Variants in ARHGAP15 observed in about 807,000 individuals in gnomAD.
ARHGAP15 encodes Rho GTPase activating protein 15.
ARHGAP15 carries 51 observed loss-of-function variants against 63.7 expected under a neutral mutation model. The ratio of observed to expected loss-of-function variants is 0.80; its 90% CI spans 0.64 to 1.01. The LOEUF is 1.01. Ranked by LOEUF, ARHGAP15 falls within the 50% of genes least tolerant of loss-of-function variation. ARHGAP15 has a pLI of 0.00. For synonymous variants in ARHGAP15, 191 were observed against 193.8 expected, an observed-to-expected ratio of 0.99 and a Z score of 0.12; for missense variants, 560 against 564.6, an observed-to-expected ratio of 0.99 and a Z score of 0.08.
At chr2:143,573,688 A>G (rs1696553250) in intron 11 of ARHGAP15, among the ~76,000 whole-genome samples, 2 of 152,194 alleles carry the variant, frequency 1.3e-5, no homozygotes, top group African/African-American at 2.4e-5. Flanking sequence ...CTGTTTTACA[A>G]GTATTATTTT....
At chr2:143,352,173 C>T (rs1685602404) in intron 6 of ARHGAP15, among the ~76,000 whole-genome samples, 2 of 152,006 alleles carry the variant, frequency 1.3e-5, no homozygotes. Context: ...CAAAGAATAC[C>T]CTAACATATT....
intron 11 of ARHGAP15, among the ~76,000 whole-genome samples, chr2:143,573,694 A>G (rs1696553634): frequency 6.6e-6 from 1 of 152,162 alleles, no homozygotes; most frequent in Non-Finnish European, 1.5e-5. Flanking sequence ...TACAAGTATT[A>G]TTTTCCATAT....
At chr2:143,624,072 T>C (rs1383332760) in intron 11 of ARHGAP15, 61 bp from the exon 12 acceptor site, 10 of 1,582,464 alleles carry the variant, frequency 6.3e-6, no homozygotes, top group Admixed American at 1.7e-5. Context: ...AACATAATAA[T>C]TAGTGTCTTG....
intron 6 of ARHGAP15, among the ~76,000 whole-genome samples, chr2:143,375,696 A>T (rs1267599612): frequency 6.6e-6 from 1 of 152,208 alleles, no homozygotes; most frequent in Non-Finnish European, 1.5e-5. Flanking sequence ...TGGATATTGC[A>T]TAACTTGAAG....
At chr2:143,141,897 A>C (rs1689385554) in intron 1 of ARHGAP15, among the ~76,000 whole-genome samples, 1 of 152,128 alleles carries the variant, frequency 6.6e-6, no homozygotes, top group Non-Finnish European at 1.5e-5. Flanking sequence ...GAATGCCTGC[A>C]GGCCAGTTGG....
At chr2:143,163,496 T>C (rs1415811795) in intron 2 of ARHGAP15, among the ~76,000 whole-genome samples, 1 of 151,828 alleles carries the variant, frequency 6.6e-6, no homozygotes, top group Non-Finnish European at 1.5e-5. Flanking sequence ...ATTTTTATGT[T>C]CCAGGAGAAA....
intron 6 of ARHGAP15, among the ~76,000 whole-genome samples, chr2:143,264,898 A>T (rs1680913777): frequency 6.6e-6 from 1 of 152,166 alleles, no homozygotes; most frequent in African/African-American, 2.4e-5. Context: ...AGCTCCATAG[A>T]GGCTTGTAGA....
At chr2:143,275,783 T>C (rs1348434963) in intron 6 of ARHGAP15, among the ~76,000 whole-genome samples, 5 of 152,192 alleles carry the variant, frequency 3.3e-5, no homozygotes, top group Admixed American at 6.5e-5. Flanking sequence ...TTTGGTGATA[T>C]GTGACTGCTT....
chr2:143,228,318 TTTGG>T (rs1189950814), intron 4 of ARHGAP15, among the ~76,000 whole-genome samples: 11 of 152,252 alleles, frequency 7.2e-5, no homozygotes, highest in Admixed American at 2.6e-4. Flanking sequence ...AAAATGGATT[TTTGG>T]TAGTTGAAAA....
chr2:143,392,289 T>C (rs1338268456), intron 6 of ARHGAP15, among the ~76,000 whole-genome samples: 3 of 152,202 alleles, frequency 2.0e-5, no homozygotes, highest in East Asian at 1.9e-4. Flanking sequence ...AATAAGTATA[T>C]AATAGAAAAT....
intron 6 of ARHGAP15, among the ~76,000 whole-genome samples, chr2:143,256,407 G>T (rs958370753): frequency 9.2e-5 from 14 of 152,060 alleles, no homozygotes; most frequent in Non-Finnish European, 1.5e-4. Flanking sequence ...TTTATTGTGT[G>T]ACTAAGAATA....
intron 10 of ARHGAP15, among the ~76,000 whole-genome samples, chr2:143,533,055 T>C (rs2105020081): frequency 6.6e-6 from 1 of 152,340 alleles, no homozygotes; most frequent in East Asian, 1.9e-4. Context: ...AAGTTTCTTC[T>C]TGTCTAGAGT....
At chr2:143,186,220 A>C (rs6749243) in intron 2 of ARHGAP15, among the ~76,000 whole-genome samples, 25,622 of 152,198 alleles carry the variant, frequency 0.17, 2,338 homozygotes, top group Middle Eastern at 0.24. Flanking sequence ...TTGTTTATGA[A>C]TAAAATTTAG....
intron 6 of ARHGAP15, among the ~76,000 whole-genome samples, chr2:143,263,907 CTTTTTTTTTTTTTTTTTTTTTTT>C (rs373296096): frequency 7.8e-5 from 3 of 38,420 alleles, no homozygotes; most frequent in South Asian, 3.0e-3. Flanking sequence ...AAGCTGCAGT[CTTTTTTTTTTTTTTTTTTTTTTT>C]TTTTTTTTTT....
chr2:143,434,131 A>G (rs1470196835), intron 6 of ARHGAP15, among the ~76,000 whole-genome samples: 1 of 152,106 alleles, frequency 6.6e-6, no homozygotes, highest in African/African-American at 2.4e-5. Flanking sequence ...ATGCAGTTTC[A>G]TTTTAAAAAG....
chr2:143,205,240 T>C (rs1692283342), intron 3 of ARHGAP15, among the ~76,000 whole-genome samples: 1 of 148,278 alleles, frequency 6.7e-6, no homozygotes, highest in African/African-American at 2.5e-5. Context: ...TGAGCCAAGA[T>C]TGTGCAGAGA....
At chr2:143,371,031 TTTTA>T (rs1239435872) in intron 6 of ARHGAP15, among the ~76,000 whole-genome samples, 3 of 152,154 alleles carry the variant, frequency 2.0e-5, no homozygotes, top group South Asian at 2.1e-4. Flanking sequence ...TGTTGGGGAA[TTTTA>T]TTTGTTTTTA....
At chr2:143,761,488 T>C (rs13408351) in intron 13 of ARHGAP15, among the ~76,000 whole-genome samples, 4,997 of 151,970 alleles carry the variant, frequency 0.033, 228 homozygotes, top group African/African-American at 0.099. Context: ...TGCAAGTCAC[T>C]ATAGTAACAG....
intron 11 of ARHGAP15, among the ~76,000 whole-genome samples, chr2:143,591,363 A>G (rs1392954331): frequency 6.6e-6 from 1 of 152,102 alleles, no homozygotes; most frequent in East Asian, 1.9e-4. Context: ...GCACAAAACA[A>G]CATTTGCTTA....
Sources: allele counts gnomAD v4.1 joint callset (sites outside exome capture counted in the v4.1 genomes callset), GRCh38; gene constraint gnomAD v4.1.1; transcripts MANE v1.5; gene names NCBI Gene and HGNC (gene_info 2026-07-23, HGNC 2026-07-21).